PTPN1: variants seen among roughly 807,000 people sequenced by gnomAD.
PTPN1 encodes tyrosine-protein phosphatase non-receptor type 1.
PTPN1 carries 12 observed loss-of-function variants against 59.9 expected under a neutral mutation model. The ratio of observed to expected loss-of-function variants is 0.20; its 90% CI spans 0.13 to 0.32. The LOEUF (loss-of-function observed/expected upper bound fraction) is 0.32, where lower values mean the gene tolerates loss of function less well. Ranked by LOEUF, PTPN1 falls within the 10% of genes least tolerant of loss-of-function variation. The probability of loss-of-function intolerance (pLI) is 1.00; values close to 1 mark genes in which losing one functional copy is unlikely to be tolerated. For missense variants in PTPN1, 356 were observed against 549.2 expected (o/e 0.65, Z 3.52); for synonymous variants, 178 against 203.6 (o/e 0.87, Z 1.07).
intron 1 of PTPN1, among the ~76,000 whole-genome samples, chr20:50,511,332 A>T (rs761739966): frequency 9.2e-5 from 14 of 152,180 alleles, no homozygotes; most frequent in Non-Finnish European, 1.9e-4. Flanking sequence ...CGGCTGTCTT[A>T]GAGAAGGGGA....
chr20:50,581,370 C>T lies in PTPN1; in HGVS notation c.1194C>T (p.Asp398=), dbSNP rs139630293. 3.5e-5 allele frequency: 57 copies of T among 1,614,152 alleles called. No homozygotes were observed. Among genetic ancestry groups the T allele is most frequent in the East Asian group, 3.1e-4 (14 of 44,888 alleles). The change falls in exon 9 of 10, where the codon GAC becomes GAT. Residue 398 remains aspartate, a synonymous_variant. Transcript: ENST00000371621. The part of the protein sequence containing the change: ...AKGEPSLPEK[D]EDHALSYWKP... Reference sequence around the variant, plus strand: ...GGGAGCCGTCACTGCCCGAGAAGGACGAGGACCATGCACTGAGTTACTGGA... The same window carrying T: ...GGGAGCCGTCACTGCCCGAGAAGGATGAGGACCATGCACTGAGTTACTGGA...
At chr20:50,556,273 C>A (rs1398595638) in intron 1 of PTPN1, among the ~76,000 whole-genome samples, 1 of 152,086 alleles carries the variant, frequency 6.6e-6, no homozygotes, top group Admixed American at 6.6e-5. Context: ...ACTGCAGATT[C>A]AATCTCCTGG....
chr20:50,579,144 T>G (rs372614851), intron 6 of PTPN1, 24 bp from the exon 7 acceptor site: 1 of 1,612,890 alleles, frequency 6.2e-7, no homozygotes, highest in African/African-American at 1.3e-5. Flanking sequence ...CCTGGCTGAC[T>G]TATATCTCCT....
intron 3 of PTPN1, among the ~76,000 whole-genome samples, chr20:50,566,583 A>G (rs114855414): frequency 0.012 from 1,843 of 152,256 alleles, 33 homozygotes; most frequent in African/African-American, 0.042. Flanking sequence ...ACATTTCCCC[A>G]GTGCCCAAAC....
chr20:50,559,742 A>G (rs1293397778), intron 1 of PTPN1, among the ~76,000 whole-genome samples: 1 of 151,862 alleles, frequency 6.6e-6, no homozygotes, highest in Non-Finnish European at 1.5e-5. Flanking sequence ...GTTTCGAGAG[A>G]CATCTTTGTT....
intron 1 of PTPN1, among the ~76,000 whole-genome samples, chr20:50,545,147 A>C (rs1161500529): frequency 3.9e-5 from 6 of 152,132 alleles, no homozygotes; most frequent in South Asian, 2.1e-4. Flanking sequence ...TATTTTATTT[A>C]TATTGCCTAT....
At chr20:50,574,392 C>T in intron 4 of PTPN1, 125 bp from the exon 5 acceptor site, 1 of 994,062 alleles carries the variant, frequency 1.0e-6, no homozygotes, top group South Asian at 1.9e-5. Flanking sequence ...CTGACCATGG[C>T]TTCCATGTTC....
chr20:50,521,172 C>G (rs2082549475), intron 1 of PTPN1, among the ~76,000 whole-genome samples: 1 of 152,112 alleles, frequency 6.6e-6, no homozygotes, highest in Non-Finnish European at 1.5e-5. Context: ...TTTTAAAATT[C>G]CTGAATGCCA....
intron 1 of PTPN1, among the ~76,000 whole-genome samples, chr20:50,524,183 A>G (rs1242655918): frequency 6.6e-6 from 1 of 152,106 alleles, no homozygotes; most frequent in Non-Finnish European, 1.5e-5. Context: ...AGCTCATGCG[A>G]CCAGATAGTG....
rs556852552 is a variant in PTPN1 at position 50,550,890 on chromosome 20, G to A, written c.64-10473G>A. Among the ~76,000 whole-genome samples the A allele has an allele frequency of 8.5e-5, 13 of 152,262 alleles. No homozygotes were observed. In the East Asian group the frequency reaches 1.5e-3, roughly 18 times the overall value. ...AGAGACATTCACCCAGTTGTGGACC[G>A]AGGAGAAGGGTGTTAAACCCAGATT... On this transcript the variant is annotated intron_variant, in intron 1 of 9. Transcript: ENST00000371621.
chr20:50,540,525 C>T (rs1412192448), intron 1 of PTPN1, among the ~76,000 whole-genome samples: 4 of 152,246 alleles, frequency 2.6e-5, no homozygotes, highest in Middle Eastern at 3.4e-3. Flanking sequence ...GCCCCGTGAC[C>T]CAGACACCTC....
intron 1 of PTPN1, among the ~76,000 whole-genome samples, chr20:50,517,410 A>G (rs1437065942): frequency 6.6e-6 from 1 of 151,976 alleles, no homozygotes; most frequent in Non-Finnish European, 1.5e-5. Context: ...ATGTGCCATC[A>G]CGCCCAGCTA....
At chr20:50,571,968 C>T (rs1358844826) in intron 4 of PTPN1, 1 of 152,220 alleles carries the variant, frequency 6.6e-6, no homozygotes, top group Non-Finnish European at 1.5e-5. Flanking sequence ...ATTCATTTTT[C>T]TCTCGTACTT....
chr20:50,529,570 T>C (rs565658566), intron 1 of PTPN1, among the ~76,000 whole-genome samples: 12 of 152,246 alleles, frequency 7.9e-5, no homozygotes, highest in Non-Finnish European at 1.6e-4. Flanking sequence ...ATGACACTTT[T>C]GCGTCTGAAA....
Position 50,582,685 on chromosome 20 carries a change from A to G in PTPN1, c.1285-7A>G, listed in dbSNP as rs775784041. On this transcript the variant is annotated splice_polypyrimidine_tract_variant and splice_region_variant and intron_variant, in intron 9 of 9. Transcript: ENST00000371621. This position sits in a 1 kb window ranked among gnomAD's most constrained non-coding sequence, Gnocchi z 4.2. The stretch of plus-strand genomic sequence containing the variant: ...GGGCTCATCTGAACTGTTTGGTTTC[A>G]TTCCAGTTCCTGTTCAACAGCAACA... 2 of 1,613,568 alleles carry G rather than the reference A, an allele frequency of 1.2e-6. No individual in the cohort carries two copies. Among genetic ancestry groups the G allele is most frequent in the Non-Finnish European group, 1.7e-6 (2 of 1,179,868 alleles).
intron 1 of PTPN1, among the ~76,000 whole-genome samples, chr20:50,520,371 CAAA>C (rs11474492): frequency 7.6e-6 from 1 of 131,414 alleles, no homozygotes. Flanking sequence ...AACTCTGTCT[CAAA>C]AAAAAAAAAA....
intron 8 of PTPN1, 66 bp from the exon 9 acceptor site, chr20:50,581,199 T>C: frequency 6.6e-7 from 1 of 1,523,314 alleles, no homozygotes; most frequent in South Asian, 1.3e-5. Context: ...CCTGCCACAA[T>C]AGCAGCATCC....
intron 1 of PTPN1, among the ~76,000 whole-genome samples, chr20:50,539,727 T>A (rs1476480693): frequency 1.3e-5 from 2 of 150,710 alleles, no homozygotes; most frequent in Non-Finnish European, 3.0e-5. Context: ...CAGTCAGAGC[T>A]TACTGAAGTT....
rs1448170941 is a variant in PTPN1 at position 50,568,347 on chromosome 20, G to T, written c.256-33G>T. On this transcript the variant is annotated intron_variant, in intron 3 of 9. Coordinates refer to ENST00000371621, the MANE Select transcript of PTPN1 (RefSeq NM_002827.4). This position sits in a 1 kb window ranked among gnomAD's most constrained non-coding sequence, Gnocchi z 5.6. ...ACACGCTGTAGCATGTTATGTTTCA[G>T]ATGTCACATGTTGTGTTATTGTGTC... 1.9e-6 allele frequency: 3 copies of T among 1,577,272 alleles called. No homozygotes were observed. Among genetic ancestry groups the T allele is most frequent in the Non-Finnish European group, 1.7e-6 (2 of 1,146,682 alleles).
Sources: allele counts gnomAD v4.1 joint callset (sites outside exome capture counted in the v4.1 genomes callset), GRCh38; gene constraint gnomAD v4.1.1; non-coding constraint Gnocchi (gnomAD v3.1); transcripts MANE v1.5; gene names NCBI Gene and HGNC (gene_info 2026-07-23, HGNC 2026-07-21).